Variants in OPRM1 observed in about 807,000 individuals in gnomAD.
OPRM1 encodes the protein mu-type opioid receptor.
In OPRM1, 27 loss-of-function variants were observed where a neutral mutation model predicts 31.8. The ratio of observed to expected loss-of-function variants is 0.85; its 90% CI spans 0.63 to 1.17. The LOEUF (loss-of-function observed/expected upper bound fraction) is 1.17. Ranked by LOEUF, OPRM1 falls within the 50% of genes most tolerant of loss-of-function variation. The pLI, the probability that OPRM1 is intolerant of heterozygous loss-of-function variation, is 0.00. For synonymous variants in OPRM1, 196 were observed against 189.9 expected (o/e 1.03, Z -0.26); for missense variants, 536 against 511.1 (o/e 1.05, Z -0.47).
At chr6:154,159,645 G>A (rs1304301838) in intron 3 of OPRM1, 8 of 605,058 alleles carry the variant, frequency 1.3e-5, no homozygotes, top group Non-Finnish European at 2.3e-5. Context: ...GATGCGTTAC[G>A]ACTGAAATGA....
rs1562491102 is a variant in OPRM1 at position 154,121,339 on chromosome 6, T to G, written c.*2618T>G. Among the ~76,000 whole-genome samples the G allele has an allele frequency of 6.6e-6, 1 of 152,162 alleles. No individual in the cohort carries two copies. Among genetic ancestry groups the G allele is most frequent in the Non-Finnish European group, 1.5e-5 (1 of 68,014 alleles). ...TTTTGCTCCTTCATCCCTCTTTCCT[T>G]GCCAATCATTAGAAAGGAAAGAAGA... On this transcript the variant is annotated 3_prime_UTR_variant, in exon 4 of 4. Coordinates refer to ENST00000330432, the MANE Select transcript of OPRM1 (RefSeq NM_000914.5).
At chr6:154,229,135 T>C (rs1375041271) in intron 3 of OPRM1, among the ~76,000 whole-genome samples, 5 of 152,226 alleles carry the variant, frequency 3.3e-5, no homozygotes, top group Admixed American at 3.3e-4. Context: ...CTGTATTTAA[T>C]TATCTGGTTG....
At chr6:154,115,860 C>T (rs1219918957) in intron 3 of OPRM1, among the ~76,000 whole-genome samples, 2 of 152,204 alleles carry the variant, frequency 1.3e-5, no homozygotes, top group African/African-American at 2.4e-5. Context: ...GGCCCACCGT[C>T]GCTAGATATC....
intron 3 of OPRM1, among the ~76,000 whole-genome samples, chr6:154,118,065 A>C (rs376036844): frequency 5.0e-4 from 76 of 152,316 alleles, no homozygotes; most frequent in African/African-American, 1.8e-3. Flanking sequence ...TGTTAATTAC[A>C]AAACTTATTC....
intron 3 of OPRM1, among the ~76,000 whole-genome samples, chr6:154,153,463 C>G (rs560535937): frequency 2.0e-5 from 3 of 152,152 alleles, no homozygotes; most frequent in Non-Finnish European, 4.4e-5. Flanking sequence ...GCGGGCAGAT[C>G]TCCTGAGGTC....
intron 3 of OPRM1, among the ~76,000 whole-genome samples, chr6:154,095,188 G>A (rs1439165714): frequency 6.6e-6 from 1 of 152,242 alleles, no homozygotes; most frequent in Non-Finnish European, 1.5e-5. Context: ...CTATTTGGGA[G>A]GCTGAGACAG....
intron 3 of OPRM1, chr6:154,108,838 A>T: frequency 1.0e-6 from 1 of 985,296 alleles, no homozygotes; most frequent in South Asian, 4.7e-5. Context: ...CGGTGATAAG[A>T]TAAAAAACCA....
intron 3 of OPRM1, among the ~76,000 whole-genome samples, chr6:154,184,794 CAAGTA>C (rs1801194379): frequency 6.6e-6 from 1 of 151,906 alleles, no homozygotes; most frequent in Non-Finnish European, 1.5e-5. Flanking sequence ...GAGATTTTAT[CAAGTA>C]TAGTATCTTT....
At chr6:154,042,708 A>G (rs1780321586) in intron 1 of OPRM1, among the ~76,000 whole-genome samples, 1 of 152,216 alleles carries the variant, frequency 6.6e-6, no homozygotes, top group Admixed American at 6.5e-5. Flanking sequence ...AGGAAAGGAG[A>G]AACTGTAATA....
rs149245515 is a variant in OPRM1, at chr6:154,052,306, C to T, written c.290+12472C>T. 1.2e-3 allele frequency among the ~76,000 whole-genome samples: 188 copies of T among 152,264 alleles called. 1 individual carries two copies. The highest frequency in any genetic ancestry group is 4.3e-3 in the African/African-American group (179 of 41,548). ...CAAGTATACCTGTGTAACAAACCTG[C>T]ATGTTCTGCATATGTATCTTGGAAC... On this transcript the variant is annotated intron_variant, in intron 1 of 3. Transcript: ENST00000330432.
At chr6:154,166,438 T>C (rs1166424149) in intron 3 of OPRM1, among the ~76,000 whole-genome samples, 1 of 152,212 alleles carries the variant, frequency 6.6e-6, no homozygotes, top group Non-Finnish European at 1.5e-5. Context: ...TCTCCCAACG[T>C]GGAACTACAG....
At chr6:154,162,198 C>T (rs1562517268) in intron 3 of OPRM1, among the ~76,000 whole-genome samples, 2 of 152,212 alleles carry the variant, frequency 1.3e-5, no homozygotes, top group Admixed American at 1.3e-4. Context: ...AAATTCATCC[C>T]AGCAATTCTG....
chr6:154,189,951 A>G (rs114852872), intron 3 of OPRM1, among the ~76,000 whole-genome samples: 2,400 of 152,282 alleles, frequency 0.016, 62 homozygotes, highest in African/African-American at 0.054. Flanking sequence ...CTCAAAAAAA[A>G]AAGAAACATC....
rs796429037 is a variant in OPRM1, at chr6:154,164,647, A to AAAC, written c.1164+73175_1164+73176insAAC. ...CTTTCAGTTTTTACTCCAAATAGTCAGTGTGTGGCTCGACTCAAGACCTAA... is the reference window on the plus strand; with the variant it reads ...CTTTCAGTTTTTACTCCAAATAGTCAAACGTGTGTGGCTCGACTCAAGACCTAA... On this transcript the variant is annotated intron_variant, in intron 3 of 3. Coordinates refer to the OPRM1 transcript ENST00000337049. 9.2e-5 allele frequency among the ~76,000 whole-genome samples: 14 copies of AAAC among 152,326 alleles called. No individual in the cohort carries two copies. In the South Asian group the frequency reaches 2.9e-3, roughly 32 times the overall value.
intron 3 of OPRM1, among the ~76,000 whole-genome samples, chr6:154,210,498 C>A (rs1777876199): frequency 6.6e-6 from 1 of 152,062 alleles, no homozygotes; most frequent in African/African-American, 2.4e-5. Flanking sequence ...CAACAAGGAA[C>A]ATTTTTTGAA....
rs1482216689 is a variant in OPRM1, at chr6:154,119,397, A to C, written c.*676A>C. ...AGAAAGGTTGATTCTCATGCACTGC[A>C]AATACTTCCAAAGAGTCATCATGGG... On this transcript the variant is annotated 3_prime_UTR_variant, in exon 4 of 4. Transcript: ENST00000330432. 3.0e-6 allele frequency: 3 copies of C among 985,294 alleles called. No individual in the cohort carries two copies. Among genetic ancestry groups the C allele is most frequent in the Non-Finnish European group, 3.6e-6 (3 of 829,912 alleles). The allele number at this position is 985,294 out of a possible 1,614,324, so 61.0% of individuals were successfully genotyped here.
Position 154,243,576 on chromosome 6 carries a change from G to A in OPRM1, c.1165-3117G>A, listed in dbSNP as rs147725413. Reference sequence around the variant, plus strand: ...AATGACGGAGAGAGAAAAGCAAAGGGATTCAATGACAATGAGATCACATGT... The same window carrying A: ...AATGACGGAGAGAGAAAAGCAAAGGAATTCAATGACAATGAGATCACATGT... On this transcript the variant is annotated intron_variant, in intron 3 of 3. Coordinates refer to the OPRM1 transcript ENST00000337049. Among the ~76,000 whole-genome samples the A allele has an allele frequency of 4.4e-3, 677 of 152,308 alleles. 7 individuals carry two copies. Among genetic ancestry groups the A allele is most frequent in the African/African-American group, 0.016 (649 of 41,566 alleles).
intron 3 of OPRM1, among the ~76,000 whole-genome samples, chr6:154,100,102 T>C (rs200145676): frequency 0.5 from 32,488 of 65,368 alleles, 9,686 homozygotes; most frequent in East Asian, 0.81. Context: ...CATATTATGA[T>C]ATATATATTA....
In OPRM1 at chr6:154,102,023, T is replaced by G. The variant is rs575950957; in HGVS notation, c.1164+10551T>G. Among the ~76,000 whole-genome samples, 25 of 152,274 alleles carry G rather than the reference T, an allele frequency of 1.6e-4. 1 individual carries two copies. Among genetic ancestry groups the G allele is most frequent in the Admixed American group, 1.2e-3 (19 of 15,282 alleles). ...GGCACCAGCTCAGCTCCCTGCAGCC[T>G]CTACTTCCCAGGCTCCAGTGATCCT... On this transcript the variant is annotated intron_variant, in intron 3 of 3. Coordinates refer to ENST00000330432, the MANE Select transcript of OPRM1 (RefSeq NM_000914.5).
Sources: gnomAD v4.1 joint callset for allele counts (sites outside exome capture counted in the v4.1 genomes callset) on GRCh38, gnomAD v4.1.1 for gene constraint, MANE v1.5 for transcripts, NCBI Gene and HGNC (gene_info 2026-07-23, HGNC 2026-07-21) for gene names.